MAPKAPK3: variants seen among roughly 807,000 people sequenced by gnomAD.
MAPKAPK3 encodes MAP kinase-activated protein kinase 3.
Under a neutral mutation model 49.2 loss-of-function variants are expected in MAPKAPK3, and 35 were observed. The observed-to-expected ratio is 0.71, with a 90% CI of 0.54 to 0.94. The LOEUF (loss-of-function observed/expected upper bound fraction) is 0.94. MAPKAPK3 is among the 40% of genes least tolerant of loss of function. MAPKAPK3 has a pLI of 0.00. For missense variants in MAPKAPK3, 398 were observed against 493.1 expected (o/e 0.81, Z 1.83); for synonymous variants, 178 against 188.7 (o/e 0.94, Z 0.46).
chr3:50,646,818 G>A lies in MAPKAPK3; in HGVS notation c.908G>A (p.Trp303Ter), dbSNP rs760343500. 2 of 1,613,926 alleles carry A rather than the reference G, an allele frequency of 1.2e-6. No homozygotes were observed. Among genetic ancestry groups the A allele is most frequent in the Admixed American group, 3.3e-5 (2 of 60,004 alleles). ...LTITQFMNHP[W>*]INQSMVVPQT... ...ATCACTCAGTTCATGAACCACCCCT[G>A]GATCAACGTGAGCCCCTCCTCCTCC... The change falls in exon 9 of 11, where the codon TGG becomes TAG. Residue 303 changes from tryptophan to a stop codon, truncating the protein, a stop_gained. Coordinates refer to ENST00000621469, the MANE Select transcript of MAPKAPK3 (RefSeq NM_001243925.2). LOFTEE classifies it high-confidence loss of function.
chr3:50,645,223 G>C (rs1424712915), intron 6 of MAPKAPK3, among the ~76,000 whole-genome samples: 1 of 152,150 alleles, frequency 6.6e-6, no homozygotes, highest in Non-Finnish European at 1.5e-5. Flanking sequence ...TTTTAACTTA[G>C]AAATCTTCTA....
intron 2 of MAPKAPK3, among the ~76,000 whole-genome samples, chr3:50,625,937 AAGG>A (rs2032727495): frequency 6.6e-6 from 1 of 152,004 alleles, no homozygotes; most frequent in Admixed American, 6.6e-5. Context: ...GTGGGGAAGG[AAGG>A]AGGAGTGAGT....
chr3:50,618,883 G>A (rs2032539804), intron 2 of MAPKAPK3, among the ~76,000 whole-genome samples: 4 of 152,198 alleles, frequency 2.6e-5, no homozygotes, highest in Admixed American at 2.6e-4. Flanking sequence ...TAGAGACAGG[G>A]TTTCACCATG....
chr3:50,646,132 T>G lies in MAPKAPK3; in HGVS notation c.705-8T>G. On this transcript the variant is annotated splice_polypyrimidine_tract_variant and splice_region_variant and intron_variant, in intron 7 of 10. Transcript: ENST00000621469. ...ACCCTATGCCAAATGACTTACCCCT[T>G]CCCCCAGCCTTTGTGGCTTCCCACC... The G allele has an allele frequency of 6.2e-7, 1 of 1,611,904 alleles. No individual in the cohort carries two copies.
At chr3:50,635,862 C>T (rs2033024327) in intron 2 of MAPKAPK3, among the ~76,000 whole-genome samples, 1 of 135,440 alleles carries the variant, frequency 7.4e-6, no homozygotes, top group South Asian at 2.3e-4. Flanking sequence ...GCAGGAGGAT[C>T]ACTTGAGCCT....
upstream of MAPKAPK3, chr3:50,612,193 C>G (rs1168632074): frequency 6.5e-6 from 1 of 153,036 alleles, no homozygotes; most frequent in Non-Finnish European, 1.5e-5. Context: ...GGCTCAGCAA[C>G]CCGCGCCCAG....
At chr3:50,632,189 T>C (rs913627519) in intron 2 of MAPKAPK3, among the ~76,000 whole-genome samples, 2 of 152,234 alleles carry the variant, frequency 1.3e-5, no homozygotes, top group South Asian at 4.1e-4. Context: ...TTTTCTCCTA[T>C]ATAAGGTTTG....
In MAPKAPK3 at chr3:50,617,668, A is replaced by G; in HGVS notation, c.103A>G (p.Lys35Glu). The part of the protein sequence containing the change: ...GGAPGGRREP[K>E]KYAVTDDYQL... Reference sequence around the variant, plus strand: ...TGCTCCGGGGGGGCGGCGGGAGCCCAAGAAGTACGCAGTGACCGACGACTA... The same window carrying G: ...TGCTCCGGGGGGGCGGCGGGAGCCCGAGAAGTACGCAGTGACCGACGACTA... Residue 35 changes from lysine to glutamate, a missense_variant, in exon 2 of 11, where the codon AAG becomes GAG. Physicochemically the swap from Lys to Glu is moderately conservative, Grantham distance 56. Transcript: ENST00000621469. 2 of 1,612,700 alleles carry G rather than the reference A, an allele frequency of 1.2e-6. No individual in the cohort carries two copies. The highest frequency in any genetic ancestry group is 1.7e-5 in the Admixed American group (1 of 60,030).
At chr3:50,639,873 A>G (rs1209254373) in intron 2 of MAPKAPK3, among the ~76,000 whole-genome samples, 3 of 152,198 alleles carry the variant, frequency 2.0e-5, no homozygotes, top group Non-Finnish European at 2.9e-5. Context: ...GAGAATCACA[A>G]GGGAGGCACC....
intron 2 of MAPKAPK3, among the ~76,000 whole-genome samples, chr3:50,618,425 A>C (rs988183226): frequency 3.7e-4 from 56 of 150,964 alleles, no homozygotes; most frequent in African/African-American, 1.3e-3. Flanking sequence ...CCATCTAGCC[A>C]CCTCAGACTA....
At chr3:50,639,514 C>A (rs2033123113) in intron 2 of MAPKAPK3, among the ~76,000 whole-genome samples, 1 of 152,198 alleles carries the variant, frequency 6.6e-6, no homozygotes, top group Non-Finnish European at 1.5e-5. Context: ...GAGCTGGGTA[C>A]TGACTGGGTG....
rs778530686 is a variant in MAPKAPK3 at position 50,645,769 on chromosome 3, G to A, written c.688G>A (p.Val230Ile). 3.7e-6 allele frequency: 6 copies of A among 1,613,996 alleles called. No homozygotes were observed. The highest frequency in any genetic ancestry group is 5.1e-6 in the Non-Finnish European group (6 of 1,179,992). ...DKSCDMWSLG[V>I]IMYILLCGFP... ...GTCATGTGACATGTGGTCCCTGGGTGTCATCATGTACATCCTGTGAGTACC... is the reference window on the plus strand; with the variant it reads ...GTCATGTGACATGTGGTCCCTGGGTATCATCATGTACATCCTGTGAGTACC... The change falls in exon 7 of 11, where the codon GTC (valine) becomes ATC (isoleucine). Residue 230 changes from valine to isoleucine, a missense_variant. Physicochemically the swap from Val to Ile is conservative, Grantham distance 29. This residue lies in a region of MAPKAPK3 where 30 missense variants were observed against 70.5 expected (regional missense o/e 0.43). Coordinates refer to ENST00000621469, the MANE Select transcript of MAPKAPK3 (RefSeq NM_001243925.2).
At chr3:50,611,682 G>A (rs997713781), upstream of MAPKAPK3, 12 of 1,465,910 alleles carry the variant, frequency 8.2e-6, no homozygotes, top group Non-Finnish European at 9.9e-6. Context: ...CCGGAGTGGG[G>A]ACTCGGCTGG....
rs546668413 is a variant in MAPKAPK3, at chr3:50,640,098, T to C, written c.220-268T>C. On this transcript the variant is annotated intron_variant, in intron 2 of 10. Transcript: ENST00000621469. ...ATCTGAGAAGGGAAGCAAGGGCTTC[T>C]TTGGCCTCTGAGCCCCTCGAAGCAG... Among the ~76,000 whole-genome samples, 43 of 152,298 alleles carry C rather than the reference T, an allele frequency of 2.8e-4. 1 individual carries two copies. The highest frequency in any genetic ancestry group is 2.4e-3 in the Admixed American group (37 of 15,298).
At chr3:50,633,532 C>T (rs551608030) in intron 2 of MAPKAPK3, among the ~76,000 whole-genome samples, 13 of 152,356 alleles carry the variant, frequency 8.5e-5, no homozygotes, top group African/African-American at 3.1e-4. Context: ...GAGTCTTGTG[C>T]AAGCTGTGGA....
rs1384796950 is a variant in MAPKAPK3, at chr3:50,649,160, A to G, written c.*1114A>G. ...TGCTGAGTGCCTGATACTGCCTGAC[A>G]AGTGCCTGACACGCAGCCTAGTTCC... On this transcript the variant is annotated 3_prime_UTR_variant, in exon 11 of 11. Coordinates refer to ENST00000621469, the MANE Select transcript of MAPKAPK3 (RefSeq NM_001243925.2). 1 of 152,324 alleles carries G rather than the reference A, an allele frequency of 6.6e-6. No homozygotes were observed. Among genetic ancestry groups the G allele is most frequent in the African/African-American group, 2.4e-5 (1 of 41,444 alleles). The allele number at this position is 152,324 out of a possible 1,614,324, so 9.4% of individuals were successfully genotyped here.
chr3:50,640,571 G>A, intron 3 of MAPKAPK3, 66 bp downstream of exon 3: 6 of 1,500,462 alleles, frequency 4.0e-6, no homozygotes, highest in Non-Finnish European at 5.4e-6. Flanking sequence ...TCCCTGCCAC[G>A]CTTCTAGGGG....
At position 50,645,860 on chromosome 3, in the gene MAPKAPK3, C is replaced by T; in HGVS notation, c.704+75C>T. ...TGTGAGCCCTCAGGACCACTTCTGT[C>T]CCCCCACCCCCATGTCCTTGGTGAG... On this transcript the variant is annotated intron_variant, in intron 7 of 10. Coordinates refer to ENST00000621469, the MANE Select transcript of MAPKAPK3 (RefSeq NM_001243925.2). The T allele has an allele frequency of 7.0e-6, 9 of 1,293,980 alleles. No individual in the cohort carries two copies. The South Asian group carries it at 7.2e-5, about 10-fold the overall frequency. 80.2% of individuals were successfully genotyped at this position (1,293,980 alleles called of 1,614,324 possible). A position where few individuals can be genotyped will look rare whatever the true frequency, so the allele number is the denominator to read the frequency against.
At chr3:50,623,004 G>A (rs2032647589) in intron 2 of MAPKAPK3, among the ~76,000 whole-genome samples, 1 of 152,194 alleles carries the variant, frequency 6.6e-6, no homozygotes, top group Non-Finnish European at 1.5e-5. Context: ...TGGCCTGTTG[G>A]GGCTGGTACT....
Sources: allele counts gnomAD v4.1 joint callset (sites outside exome capture counted in the v4.1 genomes callset), GRCh38; gene constraint gnomAD v4.1.1; regional missense constraint gnomAD v4.1.1; transcripts MANE v1.5; gene names NCBI Gene and HGNC (gene_info 2026-07-23, HGNC 2026-07-21).